ATP8A2: variants seen among roughly 807,000 people sequenced by gnomAD.
ATP8A2 encodes the protein ATPase phospholipid transporting 8A2.
A neutral mutation model predicts 165.6 loss-of-function variants in ATP8A2; 100 were observed. The ratio of observed to expected loss-of-function variants is 0.60; its 90% CI spans 0.51 to 0.71. The LOEUF is 0.71. Ranked by LOEUF, ATP8A2 falls within the 30% of genes least tolerant of loss-of-function variation. The pLI, the probability that ATP8A2 is intolerant of heterozygous loss-of-function variation, is 0.00. For missense variants in ATP8A2, 1,227 were observed against 1,479.5 expected, an observed-to-expected ratio of 0.83 and a Z score of 2.80; for synonymous variants, 543 against 548.8, an observed-to-expected ratio of 0.99 and a Z score of 0.15.
intron 35 of ATP8A2, among the ~76,000 whole-genome samples, chr13:25,984,519 G>A (rs375848145): frequency 2.0e-5 from 3 of 151,840 alleles, no homozygotes; most frequent in African/African-American, 4.8e-5. Context: ...CACGAGAATC[G>A]CTTGATCCCG....
intron 35 of ATP8A2, among the ~76,000 whole-genome samples, chr13:26,007,382 T>C (rs537964873): frequency 3.9e-5 from 6 of 152,330 alleles, no homozygotes; most frequent in Middle Eastern, 6.8e-3. Flanking sequence ...AGAGTGTTTT[T>C]ATAAGCTCTG....
At chr13:25,597,176 A>T (rs1054547675) in intron 24 of ATP8A2, among the ~76,000 whole-genome samples, 4 of 152,154 alleles carry the variant, frequency 2.6e-5, no homozygotes, top group African/African-American at 9.7e-5. Context: ...TGTTTCATAG[A>T]TGTCTGTTGC....
At chr13:25,866,607 G>A (rs372394132) in intron 33 of ATP8A2, among the ~76,000 whole-genome samples, 6 of 152,060 alleles carry the variant, frequency 3.9e-5, no homozygotes, top group South Asian at 4.2e-4. Context: ...AGGCAATCAC[G>A]TACACACACA....
intron 27 of ATP8A2, among the ~76,000 whole-genome samples, chr13:25,808,168 C>T (rs998607925): frequency 7.3e-5 from 11 of 149,920 alleles, no homozygotes; most frequent in Admixed American, 6.7e-4. Flanking sequence ...CTTGCTGTGT[C>T]ACCCAGGCTG....
chr13:25,817,351 G>T (rs916562383), intron 27 of ATP8A2, among the ~76,000 whole-genome samples: 1 of 40,950 alleles, frequency 2.4e-5, no homozygotes, highest in African/African-American at 8.1e-5. Context: ...GGTCTTTTAT[G>T]GGGGGGGGGG....
At chr13:25,997,756 C>T (rs1306631624) in intron 35 of ATP8A2, among the ~76,000 whole-genome samples, 2 of 151,638 alleles carry the variant, frequency 1.3e-5, no homozygotes, top group Admixed American at 6.6e-5. Context: ...TATATTTTTC[C>T]GTTCTGAAAT....
In ATP8A2 at chr13:25,882,371, G is replaced by A. The variant is rs541693980; in HGVS notation, c.3183+19963G>A. Among the ~76,000 whole-genome samples the A allele has an allele frequency of 9.9e-5, 15 of 152,258 alleles. No individual in the cohort carries two copies. The South Asian group carries it at 1.9e-3, about 19-fold the overall frequency. Reference sequence around the variant, plus strand: ...TCTATTTTTTAAGTCAATACAGATCGGATTTCCAGGGGGTTACAATGAGTA... The same window carrying A: ...TCTATTTTTTAAGTCAATACAGATCAGATTTCCAGGGGGTTACAATGAGTA... On this transcript the variant is annotated intron_variant, in intron 33 of 36. Transcript: ENST00000381655.
rs933078587 is a variant in ATP8A2 at position 25,379,234 on chromosome 13, A to G, written c.76+6946A>G. On this transcript the variant is annotated intron_variant, in intron 1 of 36. Transcript: ENST00000381655. Reference sequence around the variant, plus strand: ...TGCTCCTCCTCCCTTTTCTATCTCTAGAGATACTGTGTAAGCCAAATGCAG... The same window carrying G: ...TGCTCCTCCTCCCTTTTCTATCTCTGGAGATACTGTGTAAGCCAAATGCAG... Among the ~76,000 whole-genome samples the G allele has an allele frequency of 4.6e-5, 7 of 152,326 alleles. No individual in the cohort carries two copies. The East Asian group carries it at 1.4e-3, about 29-fold the overall frequency.
rs1276588125 is a variant in ATP8A2, at chr13:25,665,105, G to T, written c.2212-34068G>T. Among the ~76,000 whole-genome samples, 4 of 152,174 alleles carry T rather than the reference G, an allele frequency of 2.6e-5. No individual in the cohort carries two copies. The South Asian group carries it at 8.3e-4, about 31-fold the overall frequency. ...ACAAAGGCTGTGGCCAGCAACGAAG[G>T]CAGAGTCCCCGGTAGGCGGAGGTCC... On this transcript the variant is annotated intron_variant, in intron 24 of 36. Coordinates refer to ENST00000381655, the MANE Select transcript of ATP8A2 (RefSeq NM_016529.6).
chr13:25,939,092 C>T (rs1294589860), intron 33 of ATP8A2, among the ~76,000 whole-genome samples: 1 of 152,200 alleles, frequency 6.6e-6, no homozygotes, highest in African/African-American at 2.4e-5. Flanking sequence ...ATCCATCCGC[C>T]TTGGCCTCCC....
chr13:25,755,360 C>G (rs2044238483), intron 25 of ATP8A2, among the ~76,000 whole-genome samples: 1 of 150,270 alleles, frequency 6.7e-6, no homozygotes. Flanking sequence ...CATTCCATCT[C>G]CAAACCCACC....
At chr13:25,450,821 G>A (rs1046492751) in intron 1 of ATP8A2, among the ~76,000 whole-genome samples, 2 of 152,050 alleles carry the variant, frequency 1.3e-5, no homozygotes, top group East Asian at 1.9e-4. Flanking sequence ...TTGAGCCACC[G>A]CGCCCAGCCC....
At chr13:25,436,518 G>A (rs1247719717) in intron 1 of ATP8A2, among the ~76,000 whole-genome samples, 1 of 152,126 alleles carries the variant, frequency 6.6e-6, no homozygotes, top group Admixed American at 6.5e-5. Context: ...CCACTGATGG[G>A]CATTTAGGTT....
intron 27 of ATP8A2, 21 bp from the exon 28 acceptor site, chr13:25,828,097 A>G (rs1212895453): frequency 6.2e-7 from 1 of 1,605,612 alleles, no homozygotes; most frequent in South Asian, 1.1e-5. Flanking sequence ...ATAAAACTTC[A>G]TGAGCTTTCT....
Position 25,653,930 on chromosome 13 carries a change from G to A in ATP8A2, c.2212-45243G>A, listed in dbSNP as rs139996774. Among the ~76,000 whole-genome samples, 976 of 152,224 alleles carry A rather than the reference G, an allele frequency of 6.4e-3. 17 individuals are homozygous for A. The highest frequency in any genetic ancestry group is 0.011 in the South Asian group (54 of 4,822). ...ATCAATTAGGTGCTGACTGGATGCT[G>A]GCGAGAGAGAGAGAACCAGGTGAAT... On this transcript the variant is annotated intron_variant, in intron 24 of 36. Coordinates refer to ENST00000381655, the MANE Select transcript of ATP8A2 (RefSeq NM_016529.6).
chr13:25,595,079 T>C (rs187379501), intron 24 of ATP8A2, among the ~76,000 whole-genome samples: 86 of 151,612 alleles, frequency 5.7e-4, no homozygotes, highest in African/African-American at 2.0e-3. Flanking sequence ...AGGAATGAAT[T>C]AATGGCATTT....
intron 35 of ATP8A2, among the ~76,000 whole-genome samples, chr13:25,985,562 A>T (rs1200853246): frequency 6.6e-6 from 1 of 152,226 alleles, no homozygotes; most frequent in Non-Finnish European, 1.5e-5. Context: ...ATGGTCGATC[A>T]ATCCCCAGCC....
chr13:25,811,715 G>A (rs1325760847), intron 27 of ATP8A2, among the ~76,000 whole-genome samples: 1 of 152,118 alleles, frequency 6.6e-6, no homozygotes, highest in Admixed American at 6.5e-5. Context: ...ACAAAAATTA[G>A]CCAGGCGTGG....
chr13:25,970,381 G>C (rs1010452318), intron 35 of ATP8A2, among the ~76,000 whole-genome samples: 2 of 152,224 alleles, frequency 1.3e-5, no homozygotes, highest in African/African-American at 4.8e-5. Flanking sequence ...TGAACAACAG[G>C]CTTTTGAGGA....
Sources: gnomAD v4.1 joint callset for allele counts (sites outside exome capture counted in the v4.1 genomes callset) on GRCh38, gnomAD v4.1.1 for gene constraint, MANE v1.5 for transcripts, NCBI Gene and HGNC (gene_info 2026-07-23, HGNC 2026-07-21) for gene names.